Variants in SMIM41 observed in about 807,000 individuals in gnomAD.
The protein encoded by SMIM41 is small integral membrane protein 41.
At chr12:52,086,017 G>A (rs1317909428) in intron 2 of SMIM41, among the ~76,000 whole-genome samples, 1 of 152,248 alleles carries the variant, frequency 6.6e-6, no homozygotes, top group East Asian at 1.9e-4. Context: ...GAGGTGGAAA[G>A]TAAAGCTGCA....
chr12:52,094,565 A>T (rs751522624), intron 2 of SMIM41: 2 of 152,286 alleles, frequency 1.3e-5, no homozygotes, highest in Non-Finnish European at 2.9e-5. Flanking sequence ...TTCCATGCAC[A>T]TCCAGGTAAC....
chr12:52,103,066 C>T (rs1032673995), intron 2 of SMIM41, among the ~76,000 whole-genome samples: 2 of 152,156 alleles, frequency 1.3e-5, no homozygotes, highest in Non-Finnish European at 2.9e-5. Flanking sequence ...TGGCTCATGC[C>T]TGTAATCCCA....
chr12:52,092,429 AC>A (rs1217186201), intron 2 of SMIM41: 1 of 152,160 alleles, frequency 6.6e-6, no homozygotes, highest in Non-Finnish European at 1.5e-5. Flanking sequence ...GCGCCAAGGG[AC>A]TTTTATGGGT....
intron 2 of SMIM41, among the ~76,000 whole-genome samples, chr12:52,099,413 G>C (rs1940169763): frequency 6.6e-6 from 1 of 151,696 alleles, no homozygotes; most frequent in Non-Finnish European, 1.5e-5. Flanking sequence ...AACATCACAG[G>C]GGGGTGTCCA....
At chr12:52,098,619 C>T (rs1370443264) in intron 2 of SMIM41, among the ~76,000 whole-genome samples, 1 of 150,802 alleles carries the variant, frequency 6.6e-6, no homozygotes. Flanking sequence ...CATTTGCTGT[C>T]ATCTAATTGT....
At chr12:52,085,044 T>TTCGG (rs1939874392) in intron 2 of SMIM41, among the ~76,000 whole-genome samples, 2 of 152,104 alleles carry the variant, frequency 1.3e-5, no homozygotes, top group African/African-American at 4.8e-5. Flanking sequence ...GTGTGTGCGG[T>TTCGG]GGTGCCACCC....
rs1939791543 is a variant in SMIM41, at chr12:52,079,867, G to C, written c.88G>C (p.Glu30Gln). 2 of 391,532 alleles carry C rather than the reference G, an allele frequency of 5.1e-6. No individual in the cohort carries two copies. Among genetic ancestry groups the C allele is most frequent in the Admixed American group, 4.4e-5 (1 of 22,478 alleles). The allele number at this position is 391,532 out of a possible 1,614,324, so 24.3% of individuals were successfully genotyped here. A position where few individuals can be genotyped will look rare whatever the true frequency, so the allele number is the denominator to read the frequency against. Residue 30 changes from glutamate (E) to glutamine (Q), a missense_variant, in exon 1 of 3, where the codon GAG (glutamate) becomes CAG (glutamine). Physicochemically the swap from Glu to Gln is conservative, Grantham distance 29 (BLOSUM62 2). Transcript: ENST00000546390. The part of the protein sequence containing the change: ...NQSASPPEPP[E>Q]GPRAVQAVVL... ...GTCGGCGTCGCCGCCGGAGCCCCCC[G>C]AGGGGCCGCGCGCGGTGCAGGCGGT...
intron 2 of SMIM41, among the ~76,000 whole-genome samples, chr12:52,093,908 A>C (rs1940045626): frequency 6.6e-6 from 1 of 152,070 alleles, no homozygotes; most frequent in Non-Finnish European, 1.5e-5. Context: ...AGGCAGGTGG[A>C]TCACCTGAGG....
rs1172820973 is a variant in SMIM41, at chr12:52,107,398, C to T, written c.*215C>T. 59 of 558,602 alleles carry T rather than the reference C, an allele frequency of 1.1e-4. 4 individuals are homozygous for T. The highest frequency in any genetic ancestry group is 7.5e-4 in the South Asian group (54 of 71,972). The allele number at this position is 558,602 out of a possible 1,614,324, so 34.6% of individuals were successfully genotyped here. On this transcript the variant is annotated 3_prime_UTR_variant, in exon 3 of 3. Transcript: ENST00000546390. Reference sequence around the variant, plus strand: ...TCCTAGAACCTCAGAGGATCCAGAACGGCAGCTGGTCCTTGCTGGACTGTT... The same window carrying T: ...TCCTAGAACCTCAGAGGATCCAGAATGGCAGCTGGTCCTTGCTGGACTGTT...
At chr12:52,085,264 C>T (rs1196169694) in intron 2 of SMIM41, among the ~76,000 whole-genome samples, 9 of 152,216 alleles carry the variant, frequency 5.9e-5, no homozygotes, top group Non-Finnish European at 7.4e-5. Context: ...TTGCCTGTGT[C>T]GGCTTCTGGC....
At chr12:52,100,022 T>C (rs922317363) in intron 2 of SMIM41, among the ~76,000 whole-genome samples, 1 of 152,002 alleles carries the variant, frequency 6.6e-6, no homozygotes, top group African/African-American at 2.4e-5. Context: ...AACCTGGATG[T>C]TAGCAACAAG....
At chr12:52,104,550 G>A (rs1940288894) in intron 2 of SMIM41, among the ~76,000 whole-genome samples, 1 of 152,134 alleles carries the variant, frequency 6.6e-6, no homozygotes, top group Admixed American at 6.5e-5. Flanking sequence ...GGACGGTTGG[G>A]AGCCTTGTTT....
intron 2 of SMIM41, among the ~76,000 whole-genome samples, chr12:52,097,204 A>G (rs781758438): frequency 1.3e-5 from 2 of 151,994 alleles, no homozygotes; most frequent in Non-Finnish European, 2.9e-5. Context: ...ATTGCTCCCA[A>G]TATCCCAGGG....
chr12:52,106,578 G>A (rs1234629556), intron 2 of SMIM41, among the ~76,000 whole-genome samples: 4 of 152,118 alleles, frequency 2.6e-5, no homozygotes, highest in Non-Finnish European at 4.4e-5. Context: ...TCATGACCTC[G>A]TGATCTGCCC....
intron 2 of SMIM41, among the ~76,000 whole-genome samples, chr12:52,101,418 C>G (rs1196165307): frequency 6.6e-6 from 1 of 152,050 alleles, no homozygotes; most frequent in African/African-American, 2.4e-5. Context: ...GAAAGAGACT[C>G]CATCACACAC....
intron 2 of SMIM41, among the ~76,000 whole-genome samples, chr12:52,096,848 C>T (rs897714520): frequency 6.6e-6 from 1 of 151,736 alleles, no homozygotes; most frequent in Non-Finnish European, 1.5e-5. Flanking sequence ...AAATGTACAC[C>T]CCCCTGTGAT....
intron 2 of SMIM41, among the ~76,000 whole-genome samples, chr12:52,105,476 G>A (rs1282181815): frequency 6.6e-6 from 1 of 152,164 alleles, no homozygotes; most frequent in Non-Finnish European, 1.5e-5. Context: ...TTTGAAGCTG[G>A]GCGCGGTGGC....
intron 2 of SMIM41, among the ~76,000 whole-genome samples, chr12:52,086,608 G>GCACGCC (rs980373035): frequency 6.6e-6 from 1 of 152,176 alleles, no homozygotes; most frequent in Non-Finnish European, 1.5e-5. Flanking sequence ...GGCTGCAGCC[G>GCACGCC]CACGCCCACG....
chr12:52,088,723 C>T (rs963664087), intron 2 of SMIM41, among the ~76,000 whole-genome samples: 10 of 152,206 alleles, frequency 6.6e-5, no homozygotes, highest in Admixed American at 1.3e-4. Flanking sequence ...TTGTCAGAGT[C>T]GTCTTCAGCA....
Sources: allele counts gnomAD v4.1 joint callset (sites outside exome capture counted in the v4.1 genomes callset), GRCh38; gene constraint gnomAD v4.1.1; transcripts MANE v1.5; gene names NCBI Gene and HGNC (gene_info 2026-07-23, HGNC 2026-07-21).